The following FOCAD variants were observed in gnomAD, a reference collection of about 807,000 sequenced individuals.
FOCAD encodes the protein KIAA1797.
In FOCAD, 198 loss-of-function variants were observed where a neutral mutation model predicts 225.6. The ratio of observed to expected loss-of-function variants is 0.88; its 90% CI spans 0.78 to 0.99. FOCAD has a LOEUF of 0.99. Ranked by LOEUF, FOCAD falls within the 50% of genes least tolerant of loss-of-function variation. The pLI, the probability that FOCAD is intolerant of heterozygous loss-of-function variation, is 0.00. For missense variants in FOCAD, 2,713 were observed against 2,123.6 expected (o/e 1.28, Z -5.46); for synonymous variants, 897 against 755.0 (o/e 1.19, Z -3.08).
chr9:20,763,002 G>A lies in FOCAD; in HGVS notation c.495-1867G>A, dbSNP rs371321018. 8.5e-5 allele frequency among the ~76,000 whole-genome samples: 13 copies of A among 152,324 alleles called. No individual in the cohort carries two copies. In the East Asian group the frequency reaches 2.1e-3, roughly 25 times the overall value. On this transcript the variant is annotated intron_variant, in intron 6 of 43. Coordinates refer to ENST00000338382, the MANE Select transcript of FOCAD (RefSeq NM_001375567.1). ...GGCAGTTGTCACTTTCTATCATCTAGTTCAGGATCATAACTGATTGTCTCT... is the reference window on the plus strand; with the variant it reads ...GGCAGTTGTCACTTTCTATCATCTAATTCAGGATCATAACTGATTGTCTCT...
upstream of FOCAD, among the ~76,000 whole-genome samples, chr9:20,680,953 G>A (rs186059065): frequency 6.6e-6 from 1 of 152,260 alleles, no homozygotes; most frequent in Admixed American, 6.5e-5. Flanking sequence ...AGCTATGATC[G>A]TGTCACTGTA....
At chr9:20,754,415 A>G (rs1012792922) in intron 5 of FOCAD, among the ~76,000 whole-genome samples, 6 of 152,058 alleles carry the variant, frequency 3.9e-5, no homozygotes, top group Admixed American at 6.6e-5. Context: ...TAAGCCTTCT[A>G]GTTTCTAGTG....
intron 32 of FOCAD, 116 bp from the exon 33 acceptor site, chr9:20,949,488 G>T: frequency 1.4e-6 from 1 of 732,384 alleles, no homozygotes; most frequent in Non-Finnish European, 2.3e-6. Context: ...GAAATAGAAG[G>T]ACATAATGAT....
chr9:20,668,298 A>G (rs938282390), intron 2 of FOCAD, among the ~76,000 whole-genome samples: 4 of 152,212 alleles, frequency 2.6e-5, no homozygotes, highest in African/African-American at 4.8e-5. Context: ...TAACAACTAG[A>G]TACAAAAAGA....
rs1841537745 is a variant in FOCAD at position 20,990,290 on chromosome 9, C to T, written c.5172C>T (p.Val1724=). The part of the protein sequence containing the change: ...SFLGRSPMHR[V]TLQEVLTLLP... The stretch of plus-strand genomic sequence containing the variant: ...TTGGCAGGAGTCCAATGCACAGGGT[C>T]ACTCTGCAGGAGGTTCTCACTCTCC... Residue 1724 remains valine (V), a synonymous_variant, in exon 42 of 44, where the codon GTC becomes GTT. Coordinates refer to ENST00000338382, the MANE Select transcript of FOCAD (RefSeq NM_001375567.1). The T allele has an allele frequency of 4.3e-6, 7 of 1,614,106 alleles. No homozygotes were observed. The highest frequency in any genetic ancestry group is 5.1e-6 in the Non-Finnish European group (6 of 1,180,016).
chr9:20,705,838 T>C (rs542735526), intron 1 of FOCAD, among the ~76,000 whole-genome samples: 1 of 151,954 alleles, frequency 6.6e-6, no homozygotes, highest in East Asian at 1.9e-4. Context: ...CTCATATATT[T>C]AGCATATACA....
chr9:20,943,454 A>T (rs943681545), intron 28 of FOCAD, among the ~76,000 whole-genome samples: 3 of 59,208 alleles, frequency 5.1e-5, no homozygotes, highest in African/African-American at 1.1e-4. Flanking sequence ...GGCTAGGAAT[A>T]AAAAAAATCC....
At chr9:20,757,276 A>T (rs976239949) in intron 5 of FOCAD, among the ~76,000 whole-genome samples, 1 of 152,246 alleles carries the variant, frequency 6.6e-6, no homozygotes, top group African/African-American at 2.4e-5. Flanking sequence ...CACATAAATA[A>T]TAGCTAAAAA....
At chr9:20,943,721 C>T (rs1179306850) in intron 28 of FOCAD, among the ~76,000 whole-genome samples, 3 of 152,052 alleles carry the variant, frequency 2.0e-5, no homozygotes, top group South Asian at 2.1e-4. Flanking sequence ...ATGTCTTCTT[C>T]GGCAGCAGAT....
intron 1 of FOCAD, among the ~76,000 whole-genome samples, chr9:20,704,144 T>G (rs1438954335): frequency 6.6e-6 from 1 of 152,260 alleles, no homozygotes; most frequent in African/African-American, 2.4e-5. Context: ...CTTATTCATT[T>G]GAACATTTTC....
chr9:20,681,862 C>T (rs1307456370), upstream of FOCAD, among the ~76,000 whole-genome samples: 2 of 152,196 alleles, frequency 1.3e-5, no homozygotes, highest in East Asian at 1.9e-4. Context: ...GCAGTCAAAT[C>T]GGTTCTAGGC....
At chr9:20,979,829 T>C (rs1343266689) in intron 37 of FOCAD, among the ~76,000 whole-genome samples, 1 of 152,224 alleles carries the variant, frequency 6.6e-6, no homozygotes, top group Non-Finnish European at 1.5e-5. Flanking sequence ...CAGTGAGTAC[T>C]TACAGAAATC....
intron 11 of FOCAD, among the ~76,000 whole-genome samples, chr9:20,817,935 A>G (rs923182331): frequency 2.0e-5 from 3 of 152,176 alleles, no homozygotes; most frequent in Non-Finnish European, 4.4e-5. Context: ...TGGTAATTCT[A>G]TGTTTACCTA....
chr9:20,932,861 T>C (rs192513263), intron 27 of FOCAD, among the ~76,000 whole-genome samples, 153 bp from the exon 28 acceptor site: 28 of 151,878 alleles, frequency 1.8e-4, no homozygotes, highest in Non-Finnish European at 4.0e-4. Flanking sequence ...AACTACCAAA[T>C]AAGAATAGGC....
chr9:20,837,701 CTG>C (rs1826133025), intron 15 of FOCAD, among the ~76,000 whole-genome samples: 1 of 152,044 alleles, frequency 6.6e-6, no homozygotes, highest in African/African-American at 2.4e-5. Flanking sequence ...ATTATTATAT[CTG>C]TTTTTAAAAG....
intron 24 of FOCAD, among the ~76,000 whole-genome samples, chr9:20,921,955 C>G (rs1295147982): frequency 2.0e-5 from 3 of 152,166 alleles, no homozygotes; most frequent in Admixed American, 1.3e-4. Flanking sequence ...AACTGGGACT[C>G]TAATACTCAG....
intron 22 of FOCAD, among the ~76,000 whole-genome samples, chr9:20,910,650 G>T: frequency 6.6e-6 from 1 of 152,016 alleles, no homozygotes; most frequent in East Asian, 1.9e-4. Flanking sequence ...CAATTCAGGT[G>T]ATCACTTTAG....
chr9:20,884,379 A>G (rs912830023), intron 20 of FOCAD, among the ~76,000 whole-genome samples: 28 of 152,034 alleles, frequency 1.8e-4, no homozygotes, highest in African/African-American at 6.8e-4. Context: ...GTTCACTGCA[A>G]CCTCCACTGC....
At chr9:20,836,487 C>T (rs982371147) in intron 15 of FOCAD, among the ~76,000 whole-genome samples, 5 of 152,026 alleles carry the variant, frequency 3.3e-5, no homozygotes, top group East Asian at 1.9e-4. Flanking sequence ...TTTTGAACAG[C>T]GCTCTATGTT....
Sources: allele counts gnomAD v4.1 joint callset (sites outside exome capture counted in the v4.1 genomes callset), GRCh38; gene constraint gnomAD v4.1.1; transcripts MANE v1.5; gene names NCBI Gene and HGNC (gene_info 2026-07-23, HGNC 2026-07-21).